The following ANKAR variants were observed in gnomAD, a reference collection of about 807,000 sequenced individuals.
ANKAR encodes ankyrin and armadillo repeat containing, also known as ankyrin and armadillo repeat-containing protein.
In ANKAR, 136 loss-of-function variants were observed where a neutral mutation model predicts 146.2. The observed-to-expected ratio is 0.93, with a 90% CI of 0.81 to 1.07. The LOEUF is 1.07. Among genes scored for constraint, ANKAR ranks in the 50% least tolerant of loss-of-function variants. ANKAR has a pLI of 0.00. For synonymous variants in ANKAR, 500 were observed against 575.8 expected, an observed-to-expected ratio of 0.87 and a Z score of 1.88; for missense variants, 1,567 against 1,679.9, an observed-to-expected ratio of 0.93 and a Z score of 1.18.
At position 189,678,595 on chromosome 2, in the gene ANKAR, C is replaced by T. The variant is rs1360450781; in HGVS notation, c.601+1504C>T. ...CTTAGATTTAGTTCTCGATCCATCT[C>T]GAGTTGATTTTTATATAAGGTGAGA... On this transcript the variant is annotated intron_variant, in intron 2 of 22. Coordinates refer to ENST00000684021, the MANE Select transcript of ANKAR (RefSeq NM_001378068.1). 2.6e-5 allele frequency among the ~76,000 whole-genome samples: 4 copies of T among 152,112 alleles called. No homozygotes were observed. In the East Asian group the frequency reaches 5.8e-4, roughly 22 times the overall value.
In ANKAR at chr2:189,721,979, T is replaced by C. The variant is rs536176897; in HGVS notation, c.2635+1192T>C. On this transcript the variant is annotated intron_variant, in intron 12 of 22. Transcript: ENST00000684021. ...ATCATTTGAAAGCCCTCTTCCTTCA[T>C]AACAAATTCCTTATGCTCTCTCTGT... is the stretch of plus-strand genomic sequence containing the variant. Among the ~76,000 whole-genome samples the C allele has an allele frequency of 2.6e-5, 4 of 152,300 alleles. No homozygotes were observed. In the South Asian group the frequency reaches 8.3e-4, roughly 32 times the overall value.
At chr2:189,758,198 A>G (rs140433320) in intron 18 of ANKAR, among the ~76,000 whole-genome samples, 1,577 of 152,234 alleles carry the variant, frequency 0.01, 35 homozygotes, top group African/African-American at 0.036. Context: ...CCTGACCAAC[A>G]TGGAGAAACC....
At chr2:189,677,141 G>A (rs752627302) in intron 2 of ANKAR, 50 bp downstream of exon 2, 14 of 1,393,778 alleles carry the variant, frequency 1.0e-5, no homozygotes, top group Non-Finnish European at 1.2e-5. Flanking sequence ...TTTTGGAACA[G>A]AGTCTTACTA....
intron 19 of ANKAR, among the ~76,000 whole-genome samples, chr2:189,740,715 C>T (rs369318153): frequency 2.6e-4 from 39 of 148,330 alleles, no homozygotes; most frequent in African/African-American, 7.7e-4. Flanking sequence ...TTTTTTGAGA[C>T]GGAGTTTCGC....
At chr2:189,754,956 G>T in intron 18 of ANKAR, 1 of 561,596 alleles carries the variant, frequency 1.8e-6, no homozygotes, top group Non-Finnish European at 3.0e-6. Flanking sequence ...CAGCCTTTAT[G>T]TACAGATATG....
intron 8 of ANKAR, 80 bp downstream of exon 8, chr2:189,705,304 A>T: frequency 1.4e-6 from 2 of 1,420,328 alleles, no homozygotes; most frequent in Non-Finnish European, 9.7e-7. Context: ...AAAATTAAAT[A>T]GAATATAAAT....
intron 18 of ANKAR, among the ~76,000 whole-genome samples, chr2:189,756,445 G>C (rs775125408): frequency 2.6e-5 from 4 of 152,162 alleles, no homozygotes; most frequent in Non-Finnish European, 5.9e-5. Context: ...GATGTTGCAA[G>C]ATCTACTAGT....
At chr2:189,681,369 A>T (rs1232427720) in intron 2 of ANKAR, among the ~76,000 whole-genome samples, 1 of 152,222 alleles carries the variant, frequency 6.6e-6, no homozygotes, top group Non-Finnish European at 1.5e-5. Context: ...TGACAAAGTT[A>T]GTTACATCAA....
chr2:189,745,431 A>G (rs889079930), intron 22 of ANKAR, among the ~76,000 whole-genome samples: 1 of 152,144 alleles, frequency 6.6e-6, no homozygotes, highest in Admixed American at 6.5e-5. Context: ...TATATCTGAA[A>G]CAACTTACCT....
At chr2:189,745,644 T>G (rs1162162659) in intron 22 of ANKAR, among the ~76,000 whole-genome samples, 1 of 152,212 alleles carries the variant, frequency 6.6e-6, no homozygotes, top group Non-Finnish European at 1.5e-5. Context: ...TGCTTGTTCG[T>G]GTAGGACCAA....
intron 2 of ANKAR, among the ~76,000 whole-genome samples, chr2:189,687,297 G>A (rs2035747990): frequency 6.6e-6 from 1 of 151,838 alleles, no homozygotes; most frequent in Non-Finnish European, 1.5e-5. Flanking sequence ...TGCAAATGAC[G>A]GAATCTCATG....
At chr2:189,717,662 C>T (rs1280510492) in intron 10 of ANKAR, among the ~76,000 whole-genome samples, 1 of 152,128 alleles carries the variant, frequency 6.6e-6, no homozygotes, top group Non-Finnish European at 1.5e-5. Flanking sequence ...GCACTATTCA[C>T]AATAGCAAAA....
chr2:189,715,686 T>C (rs1048381254), intron 10 of ANKAR, among the ~76,000 whole-genome samples: 1 of 152,182 alleles, frequency 6.6e-6, no homozygotes, highest in Non-Finnish European at 1.5e-5. Flanking sequence ...GCAAAAATCC[T>C]CAGTAAAAAA....
chr2:189,737,728 A>G lies in ANKAR; in HGVS notation c.3469A>G (p.Asn1157Asp), dbSNP rs538255245. ...AGYALTLFAF[N>D]NRFQQYLILE... ...CTATGCATTAACACTTTTTGCCTTCAATAATCGCTTTCAACAATACTTAAT... is the reference window on the plus strand; with the variant it reads ...CTATGCATTAACACTTTTTGCCTTCGATAATCGCTTTCAACAATACTTAAT... Residue 1157 changes from asparagine to aspartate, a missense_variant, in exon 18 of 23, where the codon AAT (asparagine) becomes GAT (aspartate). Coordinates refer to ENST00000684021, the MANE Select transcript of ANKAR (RefSeq NM_001378068.1). The G allele has an allele frequency of 1.2e-4, 185 of 1,598,862 alleles. 4 individuals carry two copies. In the South Asian group the frequency reaches 2.0e-3, roughly 18 times the overall value.
chr2:189,734,170 T>C (rs1231720634), intron 17 of ANKAR, among the ~76,000 whole-genome samples: 1 of 152,232 alleles, frequency 6.6e-6, no homozygotes, highest in Non-Finnish European at 1.5e-5. Context: ...TAATTTTGAT[T>C]ACTCGGTTAA....
intron 18 of ANKAR, among the ~76,000 whole-genome samples, chr2:189,759,695 G>A (rs1455225499): frequency 1.3e-5 from 2 of 152,142 alleles, no homozygotes; most frequent in African/African-American, 4.8e-5. Flanking sequence ...CTATTCAGAT[G>A]TTGTAAATTG....
intron 10 of ANKAR, among the ~76,000 whole-genome samples, chr2:189,712,299 G>T (rs1002438087): frequency 3.3e-5 from 5 of 152,218 alleles, no homozygotes; most frequent in African/African-American, 1.2e-4. Flanking sequence ...CTCCTCAAGT[G>T]GGTCCCTCAC....
intron 2 of ANKAR, 47 bp downstream of exon 2, chr2:189,677,138 A>G (rs1053202726): frequency 1.5e-6 from 2 of 1,374,540 alleles, no homozygotes; most frequent in Non-Finnish European, 1.9e-6. Context: ...TTTTTTTGGA[A>G]CAGAGTCTTA....
At position 189,696,320 on chromosome 2, in the gene ANKAR, C is replaced by T; in HGVS notation, c.1659C>T (p.Cys553=). The T allele has an allele frequency of 6.2e-7, 1 of 1,614,060 alleles. No individual in the cohort carries two copies. The highest frequency in any genetic ancestry group is 8.5e-7 in the Non-Finnish European group (1 of 1,179,996). The change falls in exon 7 of 23, where the codon TGC becomes TGT. Residue 553 remains cysteine (C), a synonymous_variant. Coordinates refer to ENST00000684021, the MANE Select transcript of ANKAR (RefSeq NM_001378068.1). The part of the protein sequence containing the change: ...HNRVSIICQL[C]NANFKVNQRR... ...GAGTTTCTATTATATGTCAACTGTG[C>T]AATGCTAACTTCAAGGTCAACCAGA...
Sources: allele counts gnomAD v4.1 joint callset (sites outside exome capture counted in the v4.1 genomes callset), GRCh38; gene constraint gnomAD v4.1.1; transcripts MANE v1.5; gene names NCBI Gene and HGNC (gene_info 2026-07-23, HGNC 2026-07-21).